ZNF605: variants seen among roughly 807,000 people sequenced by gnomAD.
ZNF605 encodes the protein zinc finger protein 605.
Under a neutral mutation model 7.9 loss-of-function variants are expected in ZNF605, and 9 were observed. That is an observed-to-expected ratio of 1.14 (90% CI 0.68 to 1.98). ZNF605 has a LOEUF of 1.98. Among genes scored for constraint, ZNF605 ranks in the 30% most tolerant of loss-of-function variants. The pLI, the probability that ZNF605 is intolerant of heterozygous loss-of-function variation, is 0.00. For synonymous variants in ZNF605, 255 were observed against 260.1 expected (o/e 0.98, Z 0.19); for missense variants, 673 against 762.4 (o/e 0.88, Z 1.38).
chr12:132,940,680 G>A (rs897457932), intron 3 of ZNF605, among the ~76,000 whole-genome samples: 4 of 152,266 alleles, frequency 2.6e-5, no homozygotes, highest in South Asian at 2.1e-4. Context: ...GGATCAGGCC[G>A]CCGGCCAGCC....
chr12:132,927,183 A>G, intron 4 of ZNF605, 21 bp from the exon 5 acceptor site: 1 of 1,504,918 alleles, frequency 6.6e-7, no homozygotes, highest in Non-Finnish European at 8.9e-7. Context: ...AAAAAAATGA[A>G]CCATACTGTG....
rs1446345835 is a variant in ZNF605, at chr12:132,949,155, C to T, written c.-285-885G>A. 2.6e-5 allele frequency among the ~76,000 whole-genome samples: 4 copies of T among 152,304 alleles called. No individual in the cohort carries two copies. The East Asian group carries it at 7.7e-4, about 30-fold the overall frequency. ...ATGTTCCCAGGCTCTGAGTGAGTTG[C>T]TCCATCATCCATAAACACTGTGTTC... On this transcript the variant is annotated intron_variant, in intron 1 of 4. Coordinates refer to ENST00000360187, the MANE Select transcript of ZNF605 (RefSeq NM_183238.4).
intron 3 of ZNF605, chr12:132,945,261 G>A (rs1363225422): frequency 2.8e-6 from 2 of 724,190 alleles, no homozygotes; most frequent in Non-Finnish European, 4.7e-6. Context: ...ACCATGCCCA[G>A]CTGAGACTTT....
rs985188460 is a variant in ZNF605 at position 132,922,945 on chromosome 12, G to C, written c.*2428C>G. On this transcript the variant is annotated 3_prime_UTR_variant, in exon 5 of 5. Transcript: ENST00000360187. ...CCAGTCTCTAGAAGACAGCCTCAGG[G>C]GGGAGCAGAGCAGAAAATGGGGGAA... The C allele has an allele frequency of 3.5e-4, 54 of 152,300 alleles. No homozygotes were observed. The highest frequency in any genetic ancestry group is 1.3e-3 in the African/African-American group (53 of 41,430). 9.4% of individuals were successfully genotyped at this position (152,300 alleles called of 1,614,324 possible).
intron 1 of ZNF605, among the ~76,000 whole-genome samples, chr12:132,954,742 A>G (rs770872417): frequency 6.6e-6 from 1 of 151,714 alleles, no homozygotes; most frequent in African/African-American, 2.4e-5. Context: ...GCCCTCCCAA[A>G]CACCACCTGG....
At chr12:132,945,932 C>T (rs373072859) in intron 2 of ZNF605, 135 bp from the exon 3 acceptor site, 27 of 579,754 alleles carry the variant, frequency 4.7e-5, no homozygotes, top group South Asian at 8.2e-5. Flanking sequence ...CCAGGGCTAG[C>T]GGGCGGGAAG....
In ZNF605 at chr12:132,927,164, T is replaced by A; in HGVS notation, c.137-2A>T. The A allele has an allele frequency of 1.3e-6, 2 of 1,538,952 alleles. No individual in the cohort carries two copies. The highest frequency in any genetic ancestry group is 2.2e-5 in the Admixed American group (1 of 46,226). On this transcript the variant is annotated splice_acceptor_variant, in intron 4 of 4. Transcript: ENST00000360187. LOFTEE classifies it high-confidence loss of function. ...TTTTGGGATTATCTAGCCAGACTTC[T>A]AAAAAGAGAAAAAAATGAACCATAC...
chr12:132,931,520 A>C (rs1455403799), intron 4 of ZNF605, among the ~76,000 whole-genome samples: 8 of 152,236 alleles, frequency 5.3e-5, no homozygotes, highest in African/African-American at 1.9e-4. Flanking sequence ...AAGAGCTCAA[A>C]GTGAAGTCTA....
At chr12:132,952,332 G>C (rs1952581654) in intron 1 of ZNF605, among the ~76,000 whole-genome samples, 1 of 151,592 alleles carries the variant, frequency 6.6e-6, no homozygotes, top group African/African-American at 2.4e-5. Flanking sequence ...ATGGTGGCGG[G>C]CACCTGTAAT....
chr12:132,947,032 G>A (rs1344381875), intron 2 of ZNF605, among the ~76,000 whole-genome samples: 1 of 151,550 alleles, frequency 6.6e-6, no homozygotes, highest in African/African-American at 2.4e-5. Flanking sequence ...TTTTTTTTGA[G>A]GCAGAGTTTC....
At position 132,926,520 on chromosome 12, in the gene ZNF605, T is replaced by G; in HGVS notation, c.779A>C (p.Lys260Thr). 1 of 1,614,186 alleles carries G rather than the reference T, an allele frequency of 6.2e-7. No individual in the cohort carries two copies. The highest frequency in any genetic ancestry group is 8.5e-7 in the Non-Finnish European group (1 of 1,180,034). ...EKPYGCSECGKAFSRKSQLKR... is the reference protein window; with the variant it reads ...EKPYGCSECGTAFSRKSQLKR... ...AAGCTGCGACTTCCTACTGAAGGCT[T>G]TTCCACATTCACTGCATCCATACGG... The change falls in exon 5 of 5, where the codon AAA becomes ACA. Residue 260 changes from lysine to threonine, a missense_variant. Coordinates refer to ENST00000360187, the MANE Select transcript of ZNF605 (RefSeq NM_183238.4).
Position 132,925,134 on chromosome 12 carries a change from C to T in ZNF605, c.*239G>A. ...TATCACAACACTAATAAGGTTTTCA[C>T]CTCAATGAGTCATCCAATATGTAAC... On this transcript the variant is annotated 3_prime_UTR_variant, in exon 5 of 5. Coordinates refer to ENST00000360187, the MANE Select transcript of ZNF605 (RefSeq NM_183238.4). 2.5e-6 allele frequency: 1 copy of T among 402,066 alleles called. No homozygotes were observed. The highest frequency in any genetic ancestry group is 7.5e-5 in the South Asian group (1 of 13,328). 24.9% of individuals were successfully genotyped at this position (402,066 alleles called of 1,614,324 possible). A position where few individuals can be genotyped will look rare whatever the true frequency, so the allele number is the denominator to read the frequency against.
At chr12:132,953,714 G>C (rs1035678687) in intron 1 of ZNF605, among the ~76,000 whole-genome samples, 2 of 151,648 alleles carry the variant, frequency 1.3e-5, no homozygotes, top group South Asian at 2.1e-4. Context: ...TGTGAGCCAC[G>C]GTGCCCAGCT....
rs1157474929 is a variant in ZNF605, at chr12:132,933,486, G to A, written c.16-331C>T. Among the ~76,000 whole-genome samples the A allele has an allele frequency of 5.9e-5, 9 of 152,220 alleles. No individual in the cohort carries two copies. The highest frequency in any genetic ancestry group is 2.2e-4 in the African/African-American group (9 of 41,456). ...GTGGAAGCTCATGTGCCGTGGAACT[G>A]AGGCTTCCCAACAGCCACTGAGTGA... is the stretch of plus-strand genomic sequence containing the variant. On this transcript the variant is annotated intron_variant, in intron 3 of 4. Transcript: ENST00000360187. The surrounding 1 kb of genome is among the most constrained non-coding windows in gnomAD (Gnocchi z 4.4).
Position 132,941,912 on chromosome 12 carries a change from C to A in ZNF605, c.15+3709G>T, listed in dbSNP as rs1430769523. Among the ~76,000 whole-genome samples, 1 of 152,230 alleles carries A rather than the reference C, an allele frequency of 6.6e-6. No individual in the cohort carries two copies. Among genetic ancestry groups the A allele is most frequent in the African/African-American group, 2.4e-5 (1 of 41,474 alleles). ...CCAGTTACAGACACCTCAGACTCCACGGGGCACGGTGCAAGGCCCTTTCAT... is the reference window on the plus strand; with the variant it reads ...CCAGTTACAGACACCTCAGACTCCAAGGGGCACGGTGCAAGGCCCTTTCAT... On this transcript the variant is annotated intron_variant, in intron 3 of 4. Transcript: ENST00000360187. The surrounding 1 kb of genome is among the most constrained non-coding windows in gnomAD (Gnocchi z 5.1).
rs1952225884 is a variant in ZNF605, at chr12:132,924,103, A to G, written c.*1270T>C. Reference sequence around the variant, plus strand: ...TTATATTTACAATAGCTCTTTTAATATCCTTGTCTACTAATTCCATCACCT... The same window carrying G: ...TTATATTTACAATAGCTCTTTTAATGTCCTTGTCTACTAATTCCATCACCT... On this transcript the variant is annotated 3_prime_UTR_variant, in exon 5 of 5. Coordinates refer to ENST00000360187, the MANE Select transcript of ZNF605 (RefSeq NM_183238.4). The G allele has an allele frequency of 6.6e-6, 1 of 152,112 alleles. No individual in the cohort carries two copies. The highest frequency in any genetic ancestry group is 6.6e-5 in the Admixed American group (1 of 15,266). 9.4% of individuals were successfully genotyped at this position (152,112 alleles called of 1,614,324 possible).
chr12:132,934,458 C>T (rs1374095505), intron 3 of ZNF605, among the ~76,000 whole-genome samples: 1 of 151,842 alleles, frequency 6.6e-6, no homozygotes, highest in Non-Finnish European at 1.5e-5. Context: ...GAAATCTCAG[C>T]ACTTTGGGAG....
At position 132,951,391 on chromosome 12, in the gene ZNF605, C is replaced by T. The variant is rs1026512255; in HGVS notation, c.-285-3121G>A. ...CGTACATCACACATATACGTACACA[C>T]AGATACGTACATCACACACACTCAC... On this transcript the variant is annotated intron_variant, in intron 1 of 4. Transcript: ENST00000360187. Among the ~76,000 whole-genome samples, 8 of 143,648 alleles carry T rather than the reference C, an allele frequency of 5.6e-5. No homozygotes were observed. In the Admixed American group the frequency reaches 5.6e-4, roughly 10 times the overall value. 94.2% of individuals were successfully genotyped at this position (143,648 alleles called of 152,430 possible). A position where few individuals can be genotyped will look rare whatever the true frequency, so the allele number is the denominator to read the frequency against.
chr12:132,927,009 G>C lies in ZNF605; in HGVS notation c.290C>G (p.Thr97Arg). 3 of 1,611,164 alleles carry C rather than the reference G, an allele frequency of 1.9e-6. No individual in the cohort carries two copies. In the South Asian group the frequency reaches 3.3e-5, roughly 18 times the overall value. ...AGGACATTTCAAACTTTTTTCTCCT[G>C]TGCCACATTTATGGGATCGCAGTCC... ...HVGLRSHKCG[T>R]GEKSLKCPFD... is the part of the protein sequence containing the mutation. Residue 97 changes from threonine (T) to arginine (R), a missense_variant, in exon 5 of 5, where the codon ACA becomes AGA. Thr to Arg is a moderately conservative substitution (Grantham distance 71). Transcript: ENST00000360187.
Sources: gnomAD v4.1 joint callset for allele counts (sites outside exome capture counted in the v4.1 genomes callset) on GRCh38, gnomAD v4.1.1 for gene constraint, Gnocchi (gnomAD v3.1) non-coding constraint, MANE v1.5 for transcripts, NCBI Gene and HGNC (gene_info 2026-07-23, HGNC 2026-07-21) for gene names.